MAST4: variants seen among roughly 807,000 people sequenced by gnomAD.
MAST4 encodes microtubule-associated serine/threonine-protein kinase 4.
MAST4 carries 89 observed loss-of-function variants against 162.7 expected under a neutral mutation model. The observed-to-expected ratio is 0.55, with a 90% CI of 0.46 to 0.65. The LOEUF is 0.65. Among genes scored for constraint, MAST4 ranks in the 30% least tolerant of loss-of-function variants. The pLI is 0.00. For missense variants in MAST4, 3,153 were observed against 3,374.0 expected, an observed-to-expected ratio of 0.93 and a Z score of 1.62; for synonymous variants, 1,479 against 1,361.1, an observed-to-expected ratio of 1.09 and a Z score of -1.91.
chr5:66,868,411 G>GTATATGTGTATATATATGTATATACATA (rs1561397686), intron 3 of MAST4, among the ~76,000 whole-genome samples: 100 of 150,178 alleles, frequency 6.7e-4, no homozygotes, highest in African/African-American at 2.0e-3. Context: ...ATATATGTGT[G>GTATATGTGTATATATATGTATATACATA]TATATGTGTA....
At chr5:66,842,691 T>C (rs1758514758) in intron 3 of MAST4, among the ~76,000 whole-genome samples, 1 of 152,200 alleles carries the variant, frequency 6.6e-6, no homozygotes, top group Admixed American at 6.6e-5. Flanking sequence ...AGAAGCTAAT[T>C]GACTGATTTG....
intron 4 of MAST4, among the ~76,000 whole-genome samples, chr5:66,997,448 T>C (rs1392295458): frequency 6.6e-6 from 1 of 151,098 alleles, no homozygotes; most frequent in East Asian, 1.9e-4. Flanking sequence ...TTTTTTTTTT[T>C]TGAGATAGAG....
At chr5:66,773,475 G>C (rs1754448539) in intron 2 of MAST4, among the ~76,000 whole-genome samples, 1 of 152,244 alleles carries the variant, frequency 6.6e-6, no homozygotes. Context: ...TTGTGAAAGA[G>C]AGAATGATAT....
chr5:66,632,243 A>G (rs1314944346), intron 1 of MAST4, among the ~76,000 whole-genome samples: 4 of 152,158 alleles, frequency 2.6e-5, no homozygotes, highest in Non-Finnish European at 4.4e-5. Flanking sequence ...ATGCAGAATT[A>G]TTTCCTTAGT....
chr5:67,072,671 A>G (rs1393210703), intron 5 of MAST4, among the ~76,000 whole-genome samples: 1 of 152,242 alleles, frequency 6.6e-6, no homozygotes, highest in Admixed American at 6.5e-5. Context: ...TAGGTTGTAT[A>G]CAAGATGGAT....
chr5:66,973,392 T>C (rs1457728101), intron 4 of MAST4, among the ~76,000 whole-genome samples: 1 of 152,176 alleles, frequency 6.6e-6, no homozygotes, highest in African/African-American at 2.4e-5. Flanking sequence ...TATACTGTCT[T>C]TCTTCTTCCC....
chr5:66,633,126 A>C (rs1462685211), intron 1 of MAST4, among the ~76,000 whole-genome samples: 1 of 152,184 alleles, frequency 6.6e-6, no homozygotes, highest in Non-Finnish European at 1.5e-5. Context: ...GTACTCCTTG[A>C]GGCTCAAATA....
chr5:66,983,420 C>T (rs544103239), intron 4 of MAST4, among the ~76,000 whole-genome samples: 1 of 152,278 alleles, frequency 6.6e-6, no homozygotes, highest in East Asian at 1.9e-4. Flanking sequence ...TGGGATTCTG[C>T]TTTAATGGTG....
intron 4 of MAST4, among the ~76,000 whole-genome samples, chr5:66,962,064 T>C (rs751014135): frequency 2.7e-4 from 41 of 152,218 alleles, no homozygotes; most frequent in Non-Finnish European, 1.0e-4. Flanking sequence ...CAATTATCCA[T>C]ATAATGGGAG....
At chr5:66,766,519 T>C (rs1342960141) in intron 2 of MAST4, among the ~76,000 whole-genome samples, 1 of 143,256 alleles carries the variant, frequency 7.0e-6, no homozygotes, top group Non-Finnish European at 1.5e-5. Context: ...TTTTTTAGTG[T>C]TTTTTTTTTA....
At chr5:66,703,724 T>C (rs1294920676) in intron 1 of MAST4, among the ~76,000 whole-genome samples, 2 of 152,216 alleles carry the variant, frequency 1.3e-5, no homozygotes, top group Non-Finnish European at 2.9e-5. Flanking sequence ...AGAATGGTTT[T>C]GTTATTCTTA....
At chr5:67,062,275 G>A (rs1180042881) in intron 5 of MAST4, among the ~76,000 whole-genome samples, 1 of 152,188 alleles carries the variant, frequency 6.6e-6, no homozygotes, top group East Asian at 1.9e-4. Flanking sequence ...GCACATACCT[G>A]TAGTCCCAGC....
intron 5 of MAST4, among the ~76,000 whole-genome samples, chr5:67,071,121 A>G (rs1357032838): frequency 6.6e-6 from 1 of 152,230 alleles, no homozygotes; most frequent in Non-Finnish European, 1.5e-5. Context: ...GAAGACTTTG[A>G]TAAGTTGGTT....
In MAST4 at chr5:67,054,335, C is replaced by A. The variant is rs1021616798; in HGVS notation, c.675-69C>A. 6 of 1,331,906 alleles carry A rather than the reference C, an allele frequency of 4.5e-6. No homozygotes were observed. In the Admixed American group the frequency reaches 6.8e-5, roughly 15 times the overall value. The allele number at this position is 1,331,906 out of a possible 1,614,324, so 82.5% of individuals were successfully genotyped here. On this transcript the variant is annotated intron_variant, in intron 4 of 28. Coordinates refer to ENST00000403625, the MANE Select transcript of MAST4 (RefSeq NM_001164664.2). ...GTTGCTCAACCTGGTCCATGTCTAC[C>A]GGGAACATGGTTGAACATTATTGAT...
At position 66,596,592 on chromosome 5, in the gene MAST4, C is replaced by T; in HGVS notation, c.-64C>T. 1 of 1,369,440 alleles carries T rather than the reference C, an allele frequency of 7.3e-7. No individual in the cohort carries two copies. Among genetic ancestry groups the T allele is most frequent in the Non-Finnish European group, 9.4e-7 (1 of 1,065,550 alleles). The allele number at this position is 1,369,440 out of a possible 1,614,324, so 84.8% of individuals were successfully genotyped here. A position where few individuals can be genotyped will look rare whatever the true frequency, so the allele number is the denominator to read the frequency against. ...TGAGCCCAGGAGCCCGCGTCTTCCCCGGGAGGCGCTGAGTGCGCGCCGCGC... is the reference window on the plus strand; with the variant it reads ...TGAGCCCAGGAGCCCGCGTCTTCCCTGGGAGGCGCTGAGTGCGCGCCGCGC... On this transcript the variant is annotated 5_prime_UTR_variant, in exon 1 of 29. Transcript: ENST00000403625.
At chr5:66,853,406 G>A (rs1414403717) in intron 3 of MAST4, among the ~76,000 whole-genome samples, 2 of 152,094 alleles carry the variant, frequency 1.3e-5, no homozygotes, top group Admixed American at 6.5e-5. Flanking sequence ...AAAGCTGATG[G>A]TATTTTTAAA....
intron 1 of MAST4, among the ~76,000 whole-genome samples, chr5:66,720,949 A>G (rs971583719): frequency 6.6e-6 from 1 of 152,016 alleles, no homozygotes; most frequent in African/African-American, 2.4e-5. Flanking sequence ...ATCCCATTTC[A>G]GCATCGCCAC....
chr5:66,676,993 C>T (rs1747991048), intron 1 of MAST4, among the ~76,000 whole-genome samples: 1 of 152,136 alleles, frequency 6.6e-6, no homozygotes, highest in Non-Finnish European at 1.5e-5. Flanking sequence ...TGAAGGTCAT[C>T]TGGTGGAGGG....
intron 4 of MAST4, among the ~76,000 whole-genome samples, chr5:66,923,072 C>T (rs1423800418): frequency 1.3e-5 from 2 of 152,188 alleles, no homozygotes; most frequent in South Asian, 2.1e-4. Flanking sequence ...TCCTAGATGG[C>T]CAGGCTCCTT....
Sources: allele counts gnomAD v4.1 joint callset (sites outside exome capture counted in the v4.1 genomes callset), GRCh38; gene constraint gnomAD v4.1.1; transcripts MANE v1.5; gene names NCBI Gene and HGNC (gene_info 2026-07-23, HGNC 2026-07-21).